GUCA1C: variants seen among roughly 807,000 people sequenced by gnomAD.
GUCA1C encodes guanylate cyclase activator 1C, also known as guanylyl cyclase-activating protein 3.
Under a neutral mutation model 16.2 loss-of-function variants are expected in GUCA1C, and 15 were observed. The observed-to-expected ratio is 0.93, with a 90% CI of 0.62 to 1.43. GUCA1C has a LOEUF of 1.43. Ranked by LOEUF, GUCA1C falls within the 40% of genes most tolerant of loss-of-function variation. The pLI, the probability that GUCA1C is intolerant of heterozygous loss-of-function variation, is 0.00. For missense variants in GUCA1C, 275 were observed against 244.8 expected (o/e 1.12, Z -0.82); for synonymous variants, 78 against 85.4 (o/e 0.91, Z 0.48).
At chr3:108,921,851 T>C (rs1255166854) in intron 1 of GUCA1C, among the ~76,000 whole-genome samples, 1 of 152,134 alleles carries the variant, frequency 6.6e-6, no homozygotes, top group Non-Finnish European at 1.5e-5. Context: ...CGTTTTTTAG[T>C]GGTGATTTCT....
At chr3:108,918,053 A>T (rs982049832) in intron 2 of GUCA1C, among the ~76,000 whole-genome samples, 15 of 146,102 alleles carry the variant, frequency 1.0e-4, no homozygotes, top group Admixed American at 8.0e-4. Context: ...TCAAAAAAAT[A>T]AAAAAAACTC....
At chr3:108,943,475 A>G (rs750278302) in intron 1 of GUCA1C, among the ~76,000 whole-genome samples, 7 of 152,146 alleles carry the variant, frequency 4.6e-5, no homozygotes, top group Non-Finnish European at 7.4e-5. Context: ...CTGACTTAGG[A>G]GGCATAGCTG....
chr3:108,926,236 A>G (rs2922140), intron 1 of GUCA1C, among the ~76,000 whole-genome samples: 38,446 of 152,048 alleles, frequency 0.25, 5,374 homozygotes, highest in Middle Eastern at 0.36. Flanking sequence ...CTGATATAAG[A>G]ACAGCTACTC....
chr3:108,932,189 A>G (rs1946673443), intron 1 of GUCA1C, among the ~76,000 whole-genome samples: 1 of 151,962 alleles, frequency 6.6e-6, no homozygotes, highest in South Asian at 2.1e-4. Flanking sequence ...GTTGAACTTC[A>G]GGAGTCCCCT....
At chr3:108,937,224 C>G (rs2107305989) in intron 1 of GUCA1C, among the ~76,000 whole-genome samples, 1 of 152,260 alleles carries the variant, frequency 6.6e-6, no homozygotes, top group African/African-American at 2.4e-5. Flanking sequence ...CATCTCTCCA[C>G]CCACCTGCCA....
chr3:108,922,152 CATACACAA>C (rs1190266538), intron 1 of GUCA1C, among the ~76,000 whole-genome samples: 16 of 46,112 alleles, frequency 3.5e-4, no homozygotes, highest in Admixed American at 1.4e-3. Context: ...TACACACACA[CATACACAA>C]ACACACACAC....
chr3:108,954,662 T>C (rs891190392), upstream of GUCA1C, among the ~76,000 whole-genome samples: 4 of 152,120 alleles, frequency 2.6e-5, no homozygotes, highest in Admixed American at 1.3e-4. Context: ...CAACCCATTT[T>C]GGTACCAACC....
chr3:108,953,906 A>T, upstream of GUCA1C: 1 of 614,080 alleles, frequency 1.6e-6, no homozygotes, highest in Non-Finnish European at 2.9e-6. Context: ...CAAGCTAAAT[A>T]AGAATAGAAA....
chr3:108,923,021 G>T (rs1266118653), intron 1 of GUCA1C, among the ~76,000 whole-genome samples: 1 of 152,052 alleles, frequency 6.6e-6, no homozygotes, highest in Non-Finnish European at 1.5e-5. Flanking sequence ...TGGTGGGTTT[G>T]TTTGGTTTTT....
intron 3 of GUCA1C, among the ~76,000 whole-genome samples, chr3:108,914,849 T>C (rs1040648191): frequency 6.6e-6 from 1 of 152,222 alleles, no homozygotes; most frequent in Non-Finnish European, 1.5e-5. Flanking sequence ...TCTGGTCCTT[T>C]CCTGGCTGCA....
At chr3:108,941,656 C>G (rs1197301407) in intron 1 of GUCA1C, among the ~76,000 whole-genome samples, 1 of 152,156 alleles carries the variant, frequency 6.6e-6, no homozygotes, top group Non-Finnish European at 1.5e-5. Flanking sequence ...GTTTAAGGGT[C>G]AACAATGACA....
At chr3:108,935,090 G>C (rs149213782) in intron 1 of GUCA1C, among the ~76,000 whole-genome samples, 1 of 151,886 alleles carries the variant, frequency 6.6e-6, no homozygotes, top group Non-Finnish European at 1.5e-5. Flanking sequence ...TGGGATTACA[G>C]GCATGAGTCA....
At chr3:108,953,502 A>T in intron 1 of GUCA1C, 57 bp downstream of exon 1, 11 of 1,053,810 alleles carry the variant, frequency 1.0e-5, no homozygotes, top group East Asian at 2.4e-5. Flanking sequence ...AAAAAAAAAA[A>T]GGGAAGAGTG....
chr3:108,941,742 A>G (rs890701368), intron 1 of GUCA1C, among the ~76,000 whole-genome samples: 1 of 152,218 alleles, frequency 6.6e-6, no homozygotes, highest in African/African-American at 2.4e-5. Flanking sequence ...TATTACAGCA[A>G]CAAGAAGTTG....
chr3:108,950,658 A>G (rs1946887748), intron 1 of GUCA1C, among the ~76,000 whole-genome samples: 1 of 152,204 alleles, frequency 6.6e-6, no homozygotes, highest in Admixed American at 6.5e-5. Context: ...GAATGTATTT[A>G]CTTTTATTTT....
intron 1 of GUCA1C, among the ~76,000 whole-genome samples, chr3:108,933,751 C>G (rs1304494206): frequency 6.6e-6 from 1 of 152,098 alleles, no homozygotes; most frequent in African/African-American, 2.4e-5. Flanking sequence ...ATTAGTTCAG[C>G]CACTACAGAA....
intron 1 of GUCA1C, among the ~76,000 whole-genome samples, chr3:108,925,863 G>A (rs923663690): frequency 6.6e-6 from 1 of 152,082 alleles, no homozygotes; most frequent in Non-Finnish European, 1.5e-5. Flanking sequence ...GAGGCAGGTG[G>A]ATCACCTGAG....
intron 1 of GUCA1C, among the ~76,000 whole-genome samples, chr3:108,943,617 G>A (rs1946813269): frequency 6.6e-6 from 1 of 152,160 alleles, no homozygotes; most frequent in Non-Finnish European, 1.5e-5. Flanking sequence ...ATGCAATCCT[G>A]GAGAGTGGCG....
intron 1 of GUCA1C, among the ~76,000 whole-genome samples, chr3:108,936,750 G>A (rs564469746): frequency 7.2e-5 from 11 of 152,294 alleles, no homozygotes; most frequent in African/African-American, 2.6e-4. Context: ...GGTGCTTGGA[G>A]ATGAAGATGC....
Sources: gnomAD v4.1 joint callset for allele counts (sites outside exome capture counted in the v4.1 genomes callset) on GRCh38, gnomAD v4.1.1 for gene constraint, MANE v1.5 for transcripts, NCBI Gene and HGNC (gene_info 2026-07-23, HGNC 2026-07-21) for gene names.